Variants in PRKCH observed in about 807,000 individuals in gnomAD.
The protein encoded by PRKCH is protein kinase C eta.
Under a neutral mutation model 82.5 loss-of-function variants are expected in PRKCH, and 28 were observed. The ratio of observed to expected loss-of-function variants is 0.34; its 90% CI spans 0.25 to 0.47. The LOEUF (loss-of-function observed/expected upper bound fraction) is 0.47, where lower values mean the gene tolerates loss of function less well. Among genes scored for constraint, PRKCH ranks in the 20% least tolerant of loss-of-function variants. The pLI is 1.00. For missense variants in PRKCH, 705 were observed against 881.8 expected, an observed-to-expected ratio of 0.80 and a Z score of 2.54; for synonymous variants, 322 against 327.4, an observed-to-expected ratio of 0.98 and a Z score of 0.18.
chr14:61,420,105 G>A (rs1882757273), intron 2 of PRKCH, among the ~76,000 whole-genome samples: 1 of 152,200 alleles, frequency 6.6e-6, no homozygotes, highest in African/African-American at 2.4e-5. Flanking sequence ...GTTGGTTGGA[G>A]CTTGGACCAT....
At chr14:61,452,978 T>G in intron 6 of PRKCH, 1 of 499,326 alleles carries the variant, frequency 2.0e-6, no homozygotes. Flanking sequence ...CATCAAATCA[T>G]GGTGGAAAAA....
intron 7 of PRKCH, among the ~76,000 whole-genome samples, 178 bp downstream of exon 7, chr14:61,453,531 TCTTTCTTTCTTTCTTC>T (rs1566891215): frequency 6.9e-6 from 1 of 144,996 alleles, no homozygotes; most frequent in Non-Finnish European, 1.5e-5. Flanking sequence ...TCTTTCTTTC[TCTTTCTTTCTTTCTTC>T]CTTTCTTTCT....
intron 9 of PRKCH, among the ~76,000 whole-genome samples, chr14:61,475,383 A>C (rs1378446968): frequency 6.6e-6 from 1 of 152,228 alleles, no homozygotes; most frequent in Non-Finnish European, 1.5e-5. Context: ...AAATGTGGAT[A>C]GTTTTTGACT....
At chr14:61,249,522 CAAAA>C (rs374942372) in intron 1 of PRKCH, among the ~76,000 whole-genome samples, 3 of 121,254 alleles carry the variant, frequency 2.5e-5, no homozygotes, top group African/African-American at 6.8e-5. Context: ...CGAAGCTTTC[CAAAA>C]AAAAAAAAAA....
chr14:61,515,665 C>A (rs1345751618), intron 10 of PRKCH, among the ~76,000 whole-genome samples: 1 of 152,164 alleles, frequency 6.6e-6, no homozygotes, highest in Non-Finnish European at 1.5e-5. Flanking sequence ...ACCCATCTGG[C>A]TTTGGCTCCT....
At chr14:61,283,647 G>C (rs930294791) in intron 1 of PRKCH, among the ~76,000 whole-genome samples, 1 of 152,112 alleles carries the variant, frequency 6.6e-6, no homozygotes, top group Non-Finnish European at 1.5e-5. Flanking sequence ...AGCAGTTTGA[G>C]ACTAGCCTGG....
At chr14:61,377,370 G>A (rs185091767) in intron 1 of PRKCH, among the ~76,000 whole-genome samples, 19 of 152,234 alleles carry the variant, frequency 1.2e-4, no homozygotes, top group South Asian at 4.1e-4. Context: ...AACCCCAGCC[G>A]TATGTTTAAC....
chr14:61,536,434 C>T (rs1437661335), intron 12 of PRKCH, among the ~76,000 whole-genome samples: 10 of 152,102 alleles, frequency 6.6e-5, no homozygotes, highest in Admixed American at 5.9e-4. Flanking sequence ...TCTGCCCTTT[C>T]CCCCTGAGAG....
At chr14:61,402,582 G>T (rs1046210422) in intron 2 of PRKCH, among the ~76,000 whole-genome samples, 1 of 152,002 alleles carries the variant, frequency 6.6e-6, no homozygotes, top group African/African-American at 2.4e-5. Flanking sequence ...AGATCACGAG[G>T]TCAGGAGATC....
intron 1 of PRKCH, among the ~76,000 whole-genome samples, chr14:61,326,306 G>C (rs537099667): frequency 3.3e-5 from 5 of 152,278 alleles, no homozygotes; most frequent in Non-Finnish European, 5.9e-5. Flanking sequence ...ATGAATCTCA[G>C]AATAATTATG....
chr14:61,470,107 G>T (rs1207890917), intron 9 of PRKCH, among the ~76,000 whole-genome samples: 1 of 151,106 alleles, frequency 6.6e-6, no homozygotes, highest in Admixed American at 6.6e-5. Flanking sequence ...AGTCTGGGGG[G>T]CTTGTCTGAA....
At chr14:61,198,938 A>G (rs1594848083) in intron 1 of PRKCH, among the ~76,000 whole-genome samples, 1 of 152,160 alleles carries the variant, frequency 6.6e-6, no homozygotes, top group Non-Finnish European at 1.5e-5. Flanking sequence ...TCACTCATGG[A>G]CAAACTGGGA....
At chr14:61,286,803 A>G (rs1327725846) in intron 1 of PRKCH, among the ~76,000 whole-genome samples, 2 of 152,120 alleles carry the variant, frequency 1.3e-5, no homozygotes, top group African/African-American at 4.8e-5. Flanking sequence ...AACTGTGAGC[A>G]CAGTTGGGTG....
intron 2 of PRKCH, among the ~76,000 whole-genome samples, chr14:61,396,884 A>G (rs560119739): frequency 2.6e-5 from 4 of 152,310 alleles, no homozygotes; most frequent in Admixed American, 2.6e-4. Flanking sequence ...CAGAATAATT[A>G]TACAACAGCG....
At chr14:61,288,117 C>T (rs931345612) in intron 1 of PRKCH, among the ~76,000 whole-genome samples, 7 of 152,096 alleles carry the variant, frequency 4.6e-5, no homozygotes, top group Non-Finnish European at 7.4e-5. Flanking sequence ...AGAGGGGTGA[C>T]ATCCTTTAGG....
chr14:61,334,602 G>A (rs896270038), intron 1 of PRKCH, among the ~76,000 whole-genome samples: 1 of 152,132 alleles, frequency 6.6e-6, no homozygotes, highest in Non-Finnish European at 1.5e-5. Context: ...CTTGGCAGGT[G>A]GAAAAACAGT....
At chr14:61,418,392 G>A (rs911419868) in intron 2 of PRKCH, among the ~76,000 whole-genome samples, 10 of 152,200 alleles carry the variant, frequency 6.6e-5, no homozygotes, top group African/African-American at 2.2e-4. Flanking sequence ...ATTTTAGCAC[G>A]ATGTGTAATG....
chr14:61,249,522 CAAA>C (rs374942372), intron 1 of PRKCH, among the ~76,000 whole-genome samples: 2 of 121,254 alleles, frequency 1.6e-5, no homozygotes, highest in African/African-American at 3.4e-5. Context: ...CGAAGCTTTC[CAAA>C]AAAAAAAAAA....
chr14:61,301,986 A>G (rs1448805548), intron 1 of PRKCH, among the ~76,000 whole-genome samples: 1 of 152,202 alleles, frequency 6.6e-6, no homozygotes, highest in Non-Finnish European at 1.5e-5. Context: ...GACATTCTAC[A>G]TAGGCAACCA....
Sources: gnomAD v4.1 joint callset for allele counts (sites outside exome capture counted in the v4.1 genomes callset) on GRCh38, gnomAD v4.1.1 for gene constraint, MANE v1.5 for transcripts, NCBI Gene and HGNC (gene_info 2026-07-23, HGNC 2026-07-21) for gene names.